ENOX2: variants seen among roughly 807,000 people sequenced by gnomAD.
ENOX2 encodes the protein ecto-NOX disulfide-thiol exchanger 2.
ENOX2 carries 36 observed loss-of-function variants against 45.0 expected under a neutral mutation model. The observed-to-expected ratio is 0.80, with a 90% CI of 0.61 to 1.06. The LOEUF is 1.06. Ranked by LOEUF, ENOX2 falls within the 50% of genes least tolerant of loss-of-function variation. ENOX2 has a pLI of 0.00. For missense variants in ENOX2, 423 were observed against 462.5 expected (o/e 0.91, Z 0.78); for synonymous variants, 174 against 152.3 (o/e 1.14, Z -1.05).
rs907256948 is a variant in ENOX2, at chrX:130,848,955, G to GAGGAAA, written c.-183+52723_-183+52728dup. Among the ~76,000 whole-genome samples, 27 of 112,204 alleles carry GAGGAAA rather than the reference G, an allele frequency of 2.4e-4. 1 individual carries two copies. Among genetic ancestry groups the GAGGAAA allele is most frequent in the African/African-American group, 8.1e-4 (25 of 30,914 alleles). ...GCAAAACAGTGAGTAGGCAACAGGT[G>GAGGAAA]AGGAAAAGGAAAAGGAAACCAACTA... On this transcript the variant is annotated intron_variant, in intron 2 of 14. Coordinates refer to ENST00000394363, the MANE Select transcript of ENOX2 (RefSeq NM_006375.4).
intron 3 of ENOX2, among the ~76,000 whole-genome samples, chrX:130,758,296 C>T (rs939725774): frequency 5.4e-5 from 6 of 112,011 alleles, no homozygotes; most frequent in African/African-American, 1.3e-4. Context: ...TCTTCTTAAC[C>T]CCTGACAACC....
intron 2 of ENOX2, among the ~76,000 whole-genome samples, chrX:130,838,352 G>A (rs1473700102): frequency 9.0e-6 from 1 of 111,546 alleles, no homozygotes; most frequent in Non-Finnish European, 1.9e-5. Context: ...ACTGCATTCC[G>A]GCCTGGGGGA....
chrX:130,631,490 A>G lies in ENOX2; in HGVS notation c.1506T>C (p.Ser502=). Residue 502 remains serine, a synonymous_variant, in exon 13 of 15, where the codon TCT becomes TCC. Coordinates refer to ENST00000394363, the MANE Select transcript of ENOX2 (RefSeq NM_006375.4). ...EKTMNSSPIK[S]EREALLVGII... is the part of the protein sequence containing the mutation. ...TACCCACTAGCAGTGCTTCACGTTC[A>G]GATTTGATAGGACTGCTGTTCATGG... 1 of 1,191,582 alleles carries G rather than the reference A, an allele frequency of 8.4e-7. No individual in the cohort carries two copies. Among genetic ancestry groups the G allele is most frequent in the South Asian group, 1.8e-5 (1 of 56,447 alleles).
chrX:130,882,334 A>G (rs1280351634), intron 2 of ENOX2, among the ~76,000 whole-genome samples: 1 of 68,355 alleles, frequency 1.5e-5, no homozygotes, highest in Non-Finnish European at 2.6e-5. Context: ...GTCTATTTGG[A>G]AAAAAAAAAA....
chrX:130,814,184 G>A (rs922283387), intron 2 of ENOX2, among the ~76,000 whole-genome samples: 3 of 112,416 alleles, frequency 2.7e-5, no homozygotes, highest in Non-Finnish European at 5.6e-5. Context: ...TAGCCAGGCT[G>A]CCTCTCTAGC....
intron 10 of ENOX2, among the ~76,000 whole-genome samples, chrX:130,654,482 C>T (rs1336054648): frequency 1.8e-5 from 2 of 110,714 alleles, no homozygotes; most frequent in Non-Finnish European, 3.8e-5. Flanking sequence ...GATCTCGTTG[C>T]TTAAGCTTTT....
At chrX:130,893,593 T>G (rs1163048105) in intron 2 of ENOX2, among the ~76,000 whole-genome samples, 2 of 112,315 alleles carry the variant, frequency 1.8e-5, no homozygotes, top group African/African-American at 6.5e-5. Context: ...TTGGACTTCA[T>G]CCTATGGATA....
chrX:130,880,265 G>C (rs1435307894), intron 2 of ENOX2, among the ~76,000 whole-genome samples: 3 of 111,734 alleles, frequency 2.7e-5, no homozygotes, highest in Non-Finnish European at 5.6e-5. Context: ...AGGCAACAGA[G>C]GGCAGGTCCA....
intron 2 of ENOX2, among the ~76,000 whole-genome samples, chrX:130,884,488 T>C (rs1352768190): frequency 9.0e-6 from 1 of 111,175 alleles, no homozygotes; most frequent in Non-Finnish European, 1.9e-5. Context: ...CTCTAATAAA[T>C]TCAGATATAA....
At chrX:130,676,593 G>A (rs2037157648) in intron 6 of ENOX2, among the ~76,000 whole-genome samples, 1 of 111,292 alleles carries the variant, frequency 9.0e-6, no homozygotes, top group Non-Finnish European at 1.9e-5. Flanking sequence ...CCTACGCAGG[G>A]TTTTTTGAGA....
At chrX:130,878,232 A>T (rs2078744033) in intron 2 of ENOX2, among the ~76,000 whole-genome samples, 1 of 112,189 alleles carries the variant, frequency 8.9e-6, no homozygotes, top group Non-Finnish European at 1.9e-5. Flanking sequence ...AATGTTCTGG[A>T]GAGTTTGCTT....
chrX:130,680,683 G>A (rs2037277835), intron 5 of ENOX2, among the ~76,000 whole-genome samples: 1 of 112,535 alleles, frequency 8.9e-6, no homozygotes, highest in South Asian at 3.6e-4. Context: ...TGTTGGTTTT[G>A]TATCCGCAAG....
chrX:130,774,881 T>C lies in ENOX2; in HGVS notation c.-39+8666A>G, dbSNP rs7891739. The stretch of plus-strand genomic sequence containing the variant: ...ATGGACTGTCATTGCCAGTTTCCCC[T>C]GGTATAAAAAAATCCTAAGGAAAAG... On this transcript the variant is annotated intron_variant, in intron 3 of 14. Coordinates refer to ENST00000394363, the MANE Select transcript of ENOX2 (RefSeq NM_006375.4). Among the ~76,000 whole-genome samples the C allele has an allele frequency of 3.8e-3, 430 of 112,086 alleles. 2 individuals carry two copies. The highest frequency in any genetic ancestry group is 0.013 in the African/African-American group (409 of 30,840).
At chrX:130,695,293 T>A (rs1162386788) in intron 4 of ENOX2, among the ~76,000 whole-genome samples, 1 of 112,223 alleles carries the variant, frequency 8.9e-6, no homozygotes, top group Admixed American at 9.4e-5. Context: ...GGCCTCTTTT[T>A]AAAATTCATT....
chrX:130,853,463 C>CA (rs754949787), intron 2 of ENOX2, among the ~76,000 whole-genome samples: 2,747 of 27,115 alleles, frequency 0.1, 188 homozygotes, highest in African/African-American at 0.21. Context: ...GACTCCGTCT[C>CA]AAAAAAAAAA....
At chrX:130,723,001 C>T (rs886723359) in intron 3 of ENOX2, among the ~76,000 whole-genome samples, 1 of 112,245 alleles carries the variant, frequency 8.9e-6, no homozygotes, top group Non-Finnish European at 1.9e-5. Flanking sequence ...ATGAGCTTCC[C>T]ATACAGCGAA....
chrX:130,738,876 G>A lies in ENOX2; in HGVS notation c.-38-35622C>T, dbSNP rs201559037. On this transcript the variant is annotated intron_variant, in intron 3 of 14. Transcript: ENST00000394363. Reference sequence around the variant, plus strand: ...GGCCCCAACTGTGCAGCCAAAGAGAGCTGCTCTATTACCTGCTGAAAACAA... The same window carrying A: ...GGCCCCAACTGTGCAGCCAAAGAGAACTGCTCTATTACCTGCTGAAAACAA... Among the ~76,000 whole-genome samples, 4 of 112,030 alleles carry A rather than the reference G, an allele frequency of 3.6e-5. No individual in the cohort carries two copies. The East Asian group carries it at 1.1e-3, about 31-fold the overall frequency.
intron 9 of ENOX2, among the ~76,000 whole-genome samples, chrX:130,664,646 G>A (rs912928879): frequency 8.0e-5 from 9 of 112,236 alleles, no homozygotes; most frequent in Non-Finnish European, 1.5e-4. Context: ...TAGAGGCTGA[G>A]AAAGGCTGAA....
chrX:130,764,428 C>T (rs753399020), intron 3 of ENOX2, among the ~76,000 whole-genome samples: 35 of 110,795 alleles, frequency 3.2e-4, no homozygotes, highest in East Asian at 2.8e-4. Context: ...CACTGAGATC[C>T]GATAACCACC....
Sources: allele counts gnomAD v4.1 joint callset (sites outside exome capture counted in the v4.1 genomes callset), GRCh38; gene constraint gnomAD v4.1.1; transcripts MANE v1.5; gene names NCBI Gene and HGNC (gene_info 2026-07-23, HGNC 2026-07-21).